Variants in KHDRBS2 observed in about 807,000 individuals in gnomAD.
KHDRBS2 encodes KH domain-containing, RNA-binding, signal transduction-associated protein 2.
KHDRBS2 carries 26 observed loss-of-function variants against 44.3 expected under a neutral mutation model. The observed-to-expected ratio is 0.59, with a 90% CI of 0.43 to 0.81. The LOEUF is 0.81. Among genes scored for constraint, KHDRBS2 ranks in the 40% least tolerant of loss-of-function variants. KHDRBS2 has a pLI of 0.00. For missense variants in KHDRBS2, 476 were observed against 433.1 expected (o/e 1.10, Z -0.88); for synonymous variants, 194 against 151.1 (o/e 1.28, Z -2.08).
intron 6 of KHDRBS2, among the ~76,000 whole-genome samples, chr6:61,791,942 T>G (rs1462659891): frequency 6.6e-6 from 1 of 151,532 alleles, no homozygotes; most frequent in Non-Finnish European, 1.5e-5. Context: ...TACCATCTTA[T>G]CTTGTTTTTT....
intron 2 of KHDRBS2, among the ~76,000 whole-genome samples, chr6:62,085,093 T>A (rs1216460924): frequency 6.6e-6 from 1 of 152,154 alleles, no homozygotes; most frequent in Non-Finnish European, 1.5e-5. Context: ...CTATTAGAAT[T>A]CTAAAGGAGT....
intron 2 of KHDRBS2, among the ~76,000 whole-genome samples, chr6:62,130,715 GAAC>G (rs532306252): frequency 9.9e-4 from 151 of 152,066 alleles, no homozygotes; most frequent in African/African-American, 3.6e-3. Context: ...CTAACATGCA[GAAC>G]ATCATAGCTT....
At chr6:61,882,137 C>G (rs925235941) in intron 6 of KHDRBS2, among the ~76,000 whole-genome samples, 20 of 151,992 alleles carry the variant, frequency 1.3e-4, no homozygotes, top group Non-Finnish European at 2.2e-4. Context: ...GTGTTCTCCC[C>G]CTATACCAAG....
At chr6:62,189,449 G>A (rs1421432632) in intron 1 of KHDRBS2, among the ~76,000 whole-genome samples, 1 of 152,060 alleles carries the variant, frequency 6.6e-6, no homozygotes, top group Non-Finnish European at 1.5e-5. Flanking sequence ...CAGCCAGATA[G>A]TAAGTGTTTG....
At chr6:61,848,710 G>T (rs1795017891) in intron 6 of KHDRBS2, among the ~76,000 whole-genome samples, 1 of 146,458 alleles carries the variant, frequency 6.8e-6, no homozygotes, top group African/African-American at 2.5e-5. Flanking sequence ...TAAATCACTG[G>T]CCTACCTCGA....
chr6:62,084,779 T>C lies in KHDRBS2; in HGVS notation c.220-36785A>G, dbSNP rs6909653. Among the ~76,000 whole-genome samples the C allele has an allele frequency of 3.8e-3, 584 of 152,276 alleles. 2 individuals carry two copies. The highest frequency in any genetic ancestry group is 0.014 in the African/African-American group (566 of 41,584). ...ATGGCTTCTCACATTTCTCAAAATA[T>C]GCTTCAGCTGAGAAAAGTACCCCCA... is the stretch of plus-strand genomic sequence containing the variant. On this transcript the variant is annotated intron_variant, in intron 2 of 8. Coordinates refer to ENST00000281156, the MANE Select transcript of KHDRBS2 (RefSeq NM_152688.4).
the KHDRBS2 span, among the ~76,000 whole-genome samples, chr6:61,607,519 G>GAAAAAAAAAAAAAAAAAAAA: frequency 1.7e-4 from 4 of 23,298 alleles, no homozygotes; most frequent in Non-Finnish European, 2.3e-4. Context: ...TGAGTTCCAA[G>GAAAAAAAAAAAAAAAAAAAA]CAAAAAAAAA....
At chr6:62,096,295 A>G (rs1364679624) in intron 2 of KHDRBS2, among the ~76,000 whole-genome samples, 1 of 151,988 alleles carries the variant, frequency 6.6e-6, no homozygotes, top group Non-Finnish European at 1.5e-5. Context: ...TTTGAGAATA[A>G]TTGATACCAG....
At chr6:62,113,995 C>A (rs1313972173) in intron 2 of KHDRBS2, among the ~76,000 whole-genome samples, 1 of 152,068 alleles carries the variant, frequency 6.6e-6, no homozygotes, top group Non-Finnish European at 1.5e-5. Flanking sequence ...GAAGGGGAAG[C>A]AAACACATTC....
intron 6 of KHDRBS2, among the ~76,000 whole-genome samples, chr6:61,891,557 T>G (rs895070609): frequency 3.3e-5 from 5 of 151,968 alleles, no homozygotes; most frequent in Non-Finnish European, 7.4e-5. Flanking sequence ...TGAATCTGTC[T>G]GGTCCTGGAC....
At chr6:62,060,611 C>CTCTCTCTG (rs1459376581) in intron 2 of KHDRBS2, among the ~76,000 whole-genome samples, 27 of 131,164 alleles carry the variant, frequency 2.1e-4, no homozygotes, top group African/African-American at 7.1e-4. Context: ...CTCTCTCTGT[C>CTCTCTCTG]TCTCTCTCTC....
the KHDRBS2 span, among the ~76,000 whole-genome samples, chr6:61,585,660 T>G: frequency 6.6e-6 from 1 of 152,088 alleles, no homozygotes; most frequent in South Asian, 2.1e-4. Context: ...AAAGAGGTTA[T>G]GGTAAAATTT....
At chr6:61,838,374 T>C (rs1793053834) in intron 6 of KHDRBS2, among the ~76,000 whole-genome samples, 1 of 152,026 alleles carries the variant, frequency 6.6e-6, no homozygotes, top group African/African-American at 2.4e-5. Context: ...CATACTATCA[T>C]ATCACTGAGC....
chr6:61,959,702 T>G (rs190454366), intron 4 of KHDRBS2, among the ~76,000 whole-genome samples: 1 of 152,264 alleles, frequency 6.6e-6, no homozygotes, highest in East Asian at 1.9e-4. Flanking sequence ...TATGTACTTA[T>G]GGGTTAAGTT....
At chr6:61,920,278 G>A (rs577895147) in intron 4 of KHDRBS2, among the ~76,000 whole-genome samples, 24 of 151,906 alleles carry the variant, frequency 1.6e-4, no homozygotes, top group Non-Finnish European at 2.7e-4. Context: ...TAGTCATTCT[G>A]GGGCCTAAAT....
intron 6 of KHDRBS2, among the ~76,000 whole-genome samples, chr6:61,795,372 T>C (rs907585113): frequency 1.6e-4 from 25 of 152,066 alleles, no homozygotes; most frequent in African/African-American, 5.1e-4. Flanking sequence ...TGTCAACTTA[T>C]ACACAAGATT....
intron 6 of KHDRBS2, among the ~76,000 whole-genome samples, chr6:61,765,204 G>A (rs1408186281): frequency 6.6e-6 from 1 of 152,146 alleles, no homozygotes; most frequent in African/African-American, 2.4e-5. Context: ...TATAATCCCA[G>A]CATTTTGGAA....
the KHDRBS2 span, among the ~76,000 whole-genome samples, chr6:61,599,562 T>C: frequency 6.6e-6 from 1 of 152,228 alleles, no homozygotes; most frequent in Non-Finnish European, 1.5e-5. Flanking sequence ...TTTGCACATA[T>C]GGTGTCTTCA....
At chr6:61,555,422 C>A in the KHDRBS2 span, among the ~76,000 whole-genome samples, 1 of 152,048 alleles carries the variant, frequency 6.6e-6, no homozygotes, top group Non-Finnish European at 1.5e-5. Flanking sequence ...TTATTGTATT[C>A]TTTAGAATCC....
Sources: gnomAD v4.1 joint callset for allele counts (sites outside exome capture counted in the v4.1 genomes callset) on GRCh38, gnomAD v4.1.1 for gene constraint, MANE v1.5 for transcripts, NCBI Gene and HGNC (gene_info 2026-07-23, HGNC 2026-07-21) for gene names.